KLK11: variants seen among roughly 807,000 people sequenced by gnomAD.
KLK11 encodes kallikrein-11.
In KLK11, 10 loss-of-function variants were observed where a neutral mutation model predicts 23.4. The ratio of observed to expected loss-of-function variants is 0.43; its 90% CI spans 0.26 to 0.73. KLK11 has a LOEUF of 0.73. Ranked by LOEUF, KLK11 falls within the 30% of genes least tolerant of loss-of-function variation. The probability of loss-of-function intolerance (pLI) is 0.22; values close to 1 mark genes in which losing one functional copy is unlikely to be tolerated. For synonymous variants in KLK11, 131 were observed against 131.7 expected, an observed-to-expected ratio of 0.99 and a Z score of 0.03; for missense variants, 285 against 327.8, an observed-to-expected ratio of 0.87 and a Z score of 1.01.
chr19:51,025,522 GAC>G lies in KLK11; in HGVS notation c.40+68_40+69del. ...TTGGAATCAGCCCTGTCACTGTCCA[GAC>G]ACAGAGGGTTAGGGGATCCCAGAGA... On this transcript the variant is annotated intron_variant, in intron 2 of 5. Coordinates refer to ENST00000453757, the MANE Select transcript of KLK11 (RefSeq NM_001136032.3). This position sits in a 1 kb window ranked among gnomAD's most constrained non-coding sequence, Gnocchi z 6.2. 2 of 1,088,102 alleles carry G rather than the reference GAC, an allele frequency of 1.8e-6. No homozygotes were observed. Among genetic ancestry groups the G allele is most frequent in the Non-Finnish European group, 2.6e-6 (2 of 766,644 alleles). The allele number at this position is 1,088,102 out of a possible 1,614,324, so 67.4% of individuals were successfully genotyped here.
chr19:51,027,630 G>A, upstream of KLK11: 12 of 1,321,580 alleles, frequency 9.1e-6, no homozygotes, highest in East Asian at 2.4e-5. Context: ...AGCAAGGCAG[G>A]GGAGGGCCTA....
chr19:51,023,389 T>TC (rs2091431826), intron 4 of KLK11, 161 bp from the exon 5 acceptor site: 2 of 787,322 alleles, frequency 2.5e-6, no homozygotes, highest in Non-Finnish European at 3.8e-6. Context: ...TCCAGCTTTT[T>TC]TTTTTTTTTT....
chr19:51,024,527 C>G lies in KLK11; in HGVS notation c.197+111G>C, dbSNP rs2091451344. On this transcript the variant is annotated intron_variant, in intron 3 of 5. Transcript: ENST00000453757. The surrounding 1 kb of genome is among the most constrained non-coding windows in gnomAD (Gnocchi z 6.2). ...GAGCCCATCAACCTTGCTGACACTA[C>G]CCATCCCCATCTCTAATCCCCTTAC... 6 of 1,282,770 alleles carry G rather than the reference C, an allele frequency of 4.7e-6. No homozygotes were observed. In the South Asian group the frequency reaches 9.2e-5, roughly 20 times the overall value. The allele number at this position is 1,282,770 out of a possible 1,614,324, so 79.5% of individuals were successfully genotyped here.
chr19:51,022,645 G>A lies in KLK11; in HGVS notation c.653C>T (p.Ser218Phe). Reference protein sequence around the residue: ...VCNQSLQGIISWGQDPCAITR... With the variant: ...VCNQSLQGIIFWGQDPCAITR... Reference sequence around the variant, plus strand: ...GATCGCACACGGATCCTGGCCCCAGGAGATAATGCCTTGAAGAGACTGGTT... The same window carrying A: ...GATCGCACACGGATCCTGGCCCCAGAAGATAATGCCTTGAAGAGACTGGTT... The change falls in exon 6 of 6, where the codon TCC becomes TTC. Residue 218 changes from serine (S) to phenylalanine (F), a missense_variant. Physicochemically the swap from Ser to Phe is radical, Grantham distance 155. Transcript: ENST00000453757. 1 of 1,613,700 alleles carries A rather than the reference G, an allele frequency of 6.2e-7. No individual in the cohort carries two copies. Among genetic ancestry groups the A allele is most frequent in the Non-Finnish European group, 8.5e-7 (1 of 1,180,042 alleles).
chr19:51,023,713 T>G (rs937324602), intron 4 of KLK11: 2 of 261,054 alleles, frequency 7.7e-6, no homozygotes, highest in African/African-American at 4.4e-5. Context: ...TTATGTCAGT[T>G]GCTTGATATA....
upstream of KLK11, chr19:51,027,417 C>A: frequency 6.2e-7 from 1 of 1,606,738 alleles, no homozygotes; most frequent in South Asian, 1.1e-5. Flanking sequence ...GCCCGCTTCT[C>A]CCTGCCGCCC....
At position 51,024,129 on chromosome 19, in the gene KLK11, G is replaced by T. The variant is rs761813398; in HGVS notation, c.379C>A (p.Arg127=). ...CAGCGTGAGGAGAGGGTGAGGGGTC[G>T]CACAGCCCAGGTGATGGAGACTGGC... ...ASPVSITWAV[R]PLTLSSRCVT... Residue 127 remains arginine (R), a synonymous_variant, in exon 4 of 6, where the codon CGA becomes AGA. Transcript: ENST00000453757. This position sits in a 1 kb window ranked among gnomAD's most constrained non-coding sequence, Gnocchi z 6.2. 6.8e-6 allele frequency: 11 copies of T among 1,607,098 alleles called. No individual in the cohort carries two copies. Among genetic ancestry groups the T allele is most frequent in the African/African-American group, 1.3e-5 (1 of 74,952 alleles).
upstream of KLK11, chr19:51,026,759 A>ACTGG (rs1341405687): frequency 5.0e-6 from 1 of 200,554 alleles, no homozygotes; most frequent in African/African-American, 2.4e-5. Flanking sequence ...CCTCTGAGGC[A>ACTGG]CTGGCTGCCT....
chr19:51,026,376 C>T (rs1175191518), intron 1 of KLK11, among the ~76,000 whole-genome samples, 162 bp downstream of exon 1: 3 of 151,848 alleles, frequency 2.0e-5, no homozygotes, highest in Non-Finnish European at 4.4e-5. Context: ...AGGCTGCGGA[C>T]AGCCATCGGA....
upstream of KLK11, chr19:51,027,003 C>T: frequency 6.2e-6 from 1 of 161,188 alleles, no homozygotes. Flanking sequence ...ACTCTTCTCT[C>T]TCTGTCTGGC....
At chr19:51,027,385 C>A, upstream of KLK11, 4 of 1,503,560 alleles carry the variant, frequency 2.7e-6, no homozygotes, top group Non-Finnish European at 3.7e-6. Flanking sequence ...TGGGGCCTCG[C>A]TCCTCTGCTG....
At chr19:51,027,405 C>T (rs1260032926), upstream of KLK11, 1 of 1,587,124 alleles carries the variant, frequency 6.3e-7, no homozygotes, top group African/African-American at 1.3e-5. Context: ...GACCCTTCCC[C>T]TGCCCGCTTC....
chr19:51,024,019 G>GC lies in KLK11; in HGVS notation c.463+25dup, dbSNP rs1353570340. The stretch of plus-strand genomic sequence containing the variant: ...GACCACTCCCTCCTCACCACCCCCT[G>GC]CCAGGTTCCCCTCTGGTGCTCCTAC... On this transcript the variant is annotated intron_variant, in intron 4 of 5. Coordinates refer to ENST00000453757, the MANE Select transcript of KLK11 (RefSeq NM_001136032.3). The surrounding 1 kb of genome is among the most constrained non-coding windows in gnomAD (Gnocchi z 6.2). The GC allele has an allele frequency of 2.0e-6, 3 of 1,488,724 alleles. No homozygotes were observed. The highest frequency in any genetic ancestry group is 1.8e-6 in the Non-Finnish European group (2 of 1,112,508). 92.2% of individuals were successfully genotyped at this position (1,488,724 alleles called of 1,614,324 possible).
At chr19:51,027,660 C>A (rs537938854), upstream of KLK11, 6 of 897,262 alleles carry the variant, frequency 6.7e-6, no homozygotes, top group African/African-American at 9.9e-5. Context: ...AGCAGCCAGC[C>A]CTGGCCTCAA....
In KLK11 at chr19:51,025,170, A is replaced by G. The variant is rs561882073; in HGVS notation, c.41-376T>C. On this transcript the variant is annotated intron_variant, in intron 2 of 5. Coordinates refer to ENST00000453757, the MANE Select transcript of KLK11 (RefSeq NM_001136032.3). This position sits in a 1 kb window ranked among gnomAD's most constrained non-coding sequence, Gnocchi z 6.2. Reference sequence around the variant, plus strand: ...GGTCCCAGCTACCGGGGAAGCTGAGATGGCTTAAGGATCACTTAAGCCCGG... The same window carrying G: ...GGTCCCAGCTACCGGGGAAGCTGAGGTGGCTTAAGGATCACTTAAGCCCGG... Among the ~76,000 whole-genome samples, 1 of 152,038 alleles carries G rather than the reference A, an allele frequency of 6.6e-6. No homozygotes were observed. The highest frequency in any genetic ancestry group is 6.6e-5 in the Admixed American group (1 of 15,256).
chr19:51,023,084 A>T lies in KLK11; in HGVS notation c.600+8T>A, dbSNP rs113444603. 516 of 1,600,824 alleles carry T rather than the reference A, an allele frequency of 3.2e-4. 2 individuals are homozygous for T. In the African/African-American group the frequency reaches 6.1e-3, roughly 19 times the overall value. The stretch of plus-strand genomic sequence containing the variant: ...GGGGATGGGGCTGTGGTTGGAGACC[A>T]CACTGACCTGGCAGGAGTCCTTGCC... On this transcript the variant is annotated splice_region_variant and intron_variant, in intron 5 of 5. Transcript: ENST00000453757.
rs2091458298 is a variant in KLK11, at chr19:51,024,793, C to T, written c.42G>A (p.Gly14=). 1.3e-6 allele frequency: 2 copies of T among 1,570,326 alleles called. No individual in the cohort carries two copies. The highest frequency in any genetic ancestry group is 2.4e-5 in the East Asian group (1 of 42,208). ...TGATCCTGGTCTCTCCCCCTACAAG[C>T]CCTGGAGGGGGTGAGAGCAAAAGAA... ...LQLILLALAT[G]LVGGETRIIK... The change falls in exon 3 of 6, where the codon GGG becomes GGA. Residue 14 remains glycine (G), a splice_region_variant and synonymous_variant. Transcript: ENST00000453757. The surrounding 1 kb of genome is among the most constrained non-coding windows in gnomAD (Gnocchi z 6.2).
At position 51,024,352 on chromosome 19, in the gene KLK11, G is replaced by C. The variant is rs1242098676; in HGVS notation, c.198-42C>G. 6.3e-7 allele frequency: 1 copy of C among 1,598,836 alleles called. No homozygotes were observed. Among genetic ancestry groups the C allele is most frequent in the Non-Finnish European group, 8.5e-7 (1 of 1,173,966 alleles). ...AGTAGTTGGAGGAGGAAAGGTCGGG[G>C]GAGACATGGGTGGGAGAGGTGAGTG... On this transcript the variant is annotated intron_variant, in intron 3 of 5. Transcript: ENST00000453757. This position sits in a 1 kb window ranked among gnomAD's most constrained non-coding sequence, Gnocchi z 6.2.
chr19:51,027,233 T>G (rs1600158883), upstream of KLK11: 2 of 536,308 alleles, frequency 3.7e-6, no homozygotes. Context: ...AGAGGGGGGG[T>G]GTGCTGGGAT....
Sources: allele counts gnomAD v4.1 joint callset (sites outside exome capture counted in the v4.1 genomes callset), GRCh38; gene constraint gnomAD v4.1.1; non-coding constraint Gnocchi (gnomAD v3.1); transcripts MANE v1.5; gene names NCBI Gene and HGNC (gene_info 2026-07-23, HGNC 2026-07-21).